Variants in FARP1 observed in about 807,000 individuals in gnomAD.
The protein encoded by FARP1 is FERM, ARH/RhoGEF and pleckstrin domain protein 1.
Under a neutral mutation model 128.8 loss-of-function variants are expected in FARP1, and 52 were observed. That is an observed-to-expected ratio of 0.40 (90% confidence interval 0.32 to 0.51). FARP1 has a LOEUF of 0.51. FARP1 is among the 20% of genes least tolerant of loss of function. The pLI, the probability that FARP1 is intolerant of heterozygous loss-of-function variation, is 0.45. For missense variants in FARP1, 1,333 were observed against 1,367.9 expected, an observed-to-expected ratio of 0.97 and a Z score of 0.40; for synonymous variants, 580 against 551.8, an observed-to-expected ratio of 1.05 and a Z score of -0.72.
At chr13:98,414,111 C>T (rs866171982) in intron 16 of FARP1, among the ~76,000 whole-genome samples, 41 of 152,164 alleles carry the variant, frequency 2.7e-4, no homozygotes, top group Admixed American at 6.5e-4. Flanking sequence ...CGTGGATCTT[C>T]CATGGCCATA....
chr13:98,188,173 C>T lies in FARP1; in HGVS notation c.-23-25047C>T, dbSNP rs991601382. Among the ~76,000 whole-genome samples the T allele has an allele frequency of 6.6e-5, 10 of 152,208 alleles. 1 individual carries two copies. Among genetic ancestry groups the T allele is most frequent in the East Asian group, 3.9e-4 (2 of 5,164 alleles). ...GTGGGGCCGAACACCCCTCGCATTT[C>T]GGCAGCACCCACGTGGGCCTCTTGT... On this transcript the variant is annotated intron_variant, in intron 1 of 26. Transcript: ENST00000319562.
chr13:98,379,114 CTA>C (rs1375248681), intron 6 of FARP1, among the ~76,000 whole-genome samples: 2 of 51,360 alleles, frequency 3.9e-5, no homozygotes, highest in Admixed American at 4.7e-4. Flanking sequence ...AATATATAAT[CTA>C]TATATAATAT....
chr13:98,395,505 C>T, intron 13 of FARP1, 29 bp downstream of exon 13: 1 of 1,550,310 alleles, frequency 6.5e-7, no homozygotes, highest in Non-Finnish European at 8.7e-7. Flanking sequence ...CCAGAGGCAG[C>T]AGTACTTCCA....
chr13:98,223,711 G>A (rs1881572089), intron 2 of FARP1, among the ~76,000 whole-genome samples: 1 of 152,196 alleles, frequency 6.6e-6, no homozygotes, highest in Non-Finnish European at 1.5e-5. Context: ...TATGTAAATG[G>A]TACAAACTGG....
At chr13:98,425,335 A>G (rs369078664) in intron 17 of FARP1, 1 of 151,772 alleles carries the variant, frequency 6.6e-6, no homozygotes, top group Non-Finnish European at 1.5e-5. Context: ...AGTAAATTCT[A>G]TGACTTTAAA....
chr13:98,213,124 A>G, intron 1 of FARP1, 96 bp from the exon 2 acceptor site: 1 of 919,028 alleles, frequency 1.1e-6, no homozygotes, highest in South Asian at 1.7e-5. Flanking sequence ...CAGGGGATGG[A>G]GCCCCCTGCC....
At chr13:98,254,340 G>T (rs986860634) in intron 2 of FARP1, among the ~76,000 whole-genome samples, 1 of 152,212 alleles carries the variant, frequency 6.6e-6, no homozygotes, top group African/African-American at 2.4e-5. Flanking sequence ...CTTAACTTTA[G>T]TGAGTGCCAG....
chr13:98,383,911 A>G (rs1889985713), intron 6 of FARP1: 1 of 152,248 alleles, frequency 6.6e-6, no homozygotes, highest in African/African-American at 2.4e-5. Flanking sequence ...TAATAAACTC[A>G]TAATTTTTTT....
At chr13:98,177,390 T>G in intron 1 of FARP1, 1 of 583,766 alleles carries the variant, frequency 1.7e-6, no homozygotes, top group Non-Finnish European at 2.9e-6. Context: ...CTCACTCTTG[T>G]AATCCCGGGA....
intron 14 of FARP1, among the ~76,000 whole-genome samples, chr13:98,410,158 C>T (rs1217848871): frequency 6.6e-6 from 1 of 152,326 alleles, no homozygotes; most frequent in South Asian, 2.1e-4. Flanking sequence ...GGACAACAGG[C>T]GACCTCCTTG....
At chr13:98,314,731 G>C (rs981230204) in intron 2 of FARP1, among the ~76,000 whole-genome samples, 21 of 152,206 alleles carry the variant, frequency 1.4e-4, no homozygotes, top group African/African-American at 5.1e-4. Flanking sequence ...GCAAATTGCT[G>C]TCTCCTTTTT....
At chr13:98,164,075 T>G (rs1415345982) in intron 1 of FARP1, among the ~76,000 whole-genome samples, 1 of 152,226 alleles carries the variant, frequency 6.6e-6, no homozygotes, top group Admixed American at 6.5e-5. Flanking sequence ...CTGGATTGCT[T>G]GACTGTACCT....
Position 98,409,547 on chromosome 13 carries a change from C to A in FARP1, c.1602+22C>A. ...GAAGGTACAGGGCCGAGGGCTCAAG[C>A]GCGTGTGTGGCTGTGTGTGCACGTG... is the stretch of plus-strand genomic sequence containing the variant. On this transcript the variant is annotated intron_variant, in intron 14 of 26. Coordinates refer to ENST00000319562, the MANE Select transcript of FARP1 (RefSeq NM_005766.4). 4 of 1,573,006 alleles carry A rather than the reference C, an allele frequency of 2.5e-6. No homozygotes were observed. In the South Asian group the frequency reaches 3.4e-5, roughly 13 times the overall value.
chr13:98,393,737 C>T lies in FARP1; in HGVS notation c.1164+19C>T, dbSNP rs779440789. On this transcript the variant is annotated intron_variant, in intron 12 of 26. Coordinates refer to ENST00000319562, the MANE Select transcript of FARP1 (RefSeq NM_005766.4). ...GGAGCAGGTCAGTGATGGCGCTGTC[C>T]TATGATAACTCTGCTTTTCCCCACA... 3 of 1,595,126 alleles carry T rather than the reference C, an allele frequency of 1.9e-6. No homozygotes were observed. The South Asian group carries it at 3.3e-5, about 18-fold the overall frequency.
At chr13:98,336,340 G>A (rs570649266) in intron 2 of FARP1, among the ~76,000 whole-genome samples, 4 of 152,168 alleles carry the variant, frequency 2.6e-5, no homozygotes, top group Admixed American at 1.3e-4. Flanking sequence ...CAACCTCTGC[G>A]GAGAGGTTGA....
At position 98,210,707 on chromosome 13, in the gene FARP1, G is replaced by A. The variant is rs866946036; in HGVS notation, c.-23-2513G>A. Reference sequence around the variant, plus strand: ...TGGGACTACAGGCGCCCGCCACCACGCCTGGCTAATTTTCTGTATTTTTAG... The same window carrying A: ...TGGGACTACAGGCGCCCGCCACCACACCTGGCTAATTTTCTGTATTTTTAG... On this transcript the variant is annotated intron_variant, in intron 1 of 26. Transcript: ENST00000319562. 2.6e-5 allele frequency among the ~76,000 whole-genome samples: 4 copies of A among 151,932 alleles called. No individual in the cohort carries two copies. In the South Asian group the frequency reaches 6.2e-4, roughly 24 times the overall value.
intron 1 of FARP1, among the ~76,000 whole-genome samples, chr13:98,206,409 C>G (rs1046792365): frequency 1.1e-4 from 16 of 152,190 alleles, no homozygotes; most frequent in African/African-American, 2.9e-4. Context: ...TGTGAATCTG[C>G]ACACCTGTCC....
intron 13 of FARP1, chr13:98,405,860 T>C (rs368560486): frequency 1.3e-5 from 2 of 152,236 alleles, no homozygotes; most frequent in South Asian, 4.1e-4. Context: ...TAGCAATGAA[T>C]GTCAGTCACA....
chr13:98,146,170 G>A (rs78573271), intron 1 of FARP1, among the ~76,000 whole-genome samples: 50 of 152,272 alleles, frequency 3.3e-4, no homozygotes, highest in African/African-American at 1.1e-3. Flanking sequence ...TAGGAAAAAT[G>A]GCATTGTGAT....
Sources: allele counts gnomAD v4.1 joint callset (sites outside exome capture counted in the v4.1 genomes callset), GRCh38; gene constraint gnomAD v4.1.1; transcripts MANE v1.5; gene names NCBI Gene and HGNC (gene_info 2026-07-23, HGNC 2026-07-21).